ATP6V1C1: variants seen among roughly 807,000 people sequenced by gnomAD.
ATP6V1C1 encodes the protein V-type proton ATPase subunit C 1.
In ATP6V1C1, 45 loss-of-function variants were observed where a neutral mutation model predicts 53.9. That is an observed-to-expected ratio of 0.83 (90% CI 0.66 to 1.07). ATP6V1C1 has a LOEUF of 1.07. Among genes scored for constraint, ATP6V1C1 ranks in the 50% least tolerant of loss-of-function variants. The pLI is 0.00. For missense variants in ATP6V1C1, 315 were observed against 440.3 expected (o/e 0.72, Z 2.55); for synonymous variants, 153 against 155.2 (o/e 0.99, Z 0.11).
chr8:103,068,845 C>T lies in ATP6V1C1; in HGVS notation c.*98C>T. 1 of 1,004,554 alleles carries T rather than the reference C, an allele frequency of 1.0e-6. No individual in the cohort carries two copies. Among genetic ancestry groups the T allele is most frequent in the Non-Finnish European group, 1.4e-6 (1 of 701,972 alleles). The allele number at this position is 1,004,554 out of a possible 1,614,324, so 62.2% of individuals were successfully genotyped here. A position where few individuals can be genotyped will look rare whatever the true frequency, so the allele number is the denominator to read the frequency against. ...GTACTTTTAACTCTAGTATCCTTTG[C>T]TTGCTTCTTACGCCCTTTCCTAGGT... is the stretch of plus-strand genomic sequence containing the variant. On this transcript the variant is annotated 3_prime_UTR_variant, in exon 13 of 13. Coordinates refer to ENST00000518738, the MANE Select transcript of ATP6V1C1 (RefSeq NM_001695.5).
intron 3 of ATP6V1C1, 82 bp downstream of exon 3, chr8:103,042,489 T>C: frequency 2.2e-6 from 3 of 1,349,056 alleles, no homozygotes; most frequent in Non-Finnish European, 2.1e-6. Flanking sequence ...TATTATCACA[T>C]GTATACTCTG....
chr8:103,068,634 T>G lies in ATP6V1C1; in HGVS notation c.1054-18T>G. 9 of 1,543,880 alleles carry G rather than the reference T, an allele frequency of 5.8e-6. No homozygotes were observed. The highest frequency in any genetic ancestry group is 7.9e-6 in the Non-Finnish European group (9 of 1,135,376). ...TTCTGTAAATACAAAATTGAATAAT[T>G]GTCTGTTTTTTCCATAGGCTCCTAT... On this transcript the variant is annotated intron_variant, in intron 12 of 12. Coordinates refer to ENST00000518738, the MANE Select transcript of ATP6V1C1 (RefSeq NM_001695.5).
chr8:103,050,986 C>A, intron 4 of ATP6V1C1, 64 bp from the exon 5 acceptor site: 1 of 1,088,842 alleles, frequency 9.2e-7, no homozygotes, highest in Non-Finnish European at 1.4e-6. Flanking sequence ...AAATATATCG[C>A]TGTGTAAAAA....
At chr8:103,048,828 T>C (rs1392462214) in intron 3 of ATP6V1C1, 42 bp from the exon 4 acceptor site, 1 of 1,534,624 alleles carries the variant, frequency 6.5e-7, no homozygotes, top group East Asian at 2.3e-5. Flanking sequence ...GGAATTTAGA[T>C]CTTTTTCCTG....
chr8:103,048,741 G>T, intron 3 of ATP6V1C1, 129 bp from the exon 4 acceptor site: 1 of 661,726 alleles, frequency 1.5e-6, no homozygotes, highest in Non-Finnish European at 2.5e-6. Context: ...TCCATTTATT[G>T]TGTATTATAT....
At chr8:103,061,264 G>T (rs1169716975) in intron 8 of ATP6V1C1, among the ~76,000 whole-genome samples, 1 of 151,848 alleles carries the variant, frequency 6.6e-6, no homozygotes. Flanking sequence ...ACAGTGATCA[G>T]TACTCCTGGA....
chr8:103,057,161 T>A (rs930101470), intron 8 of ATP6V1C1, among the ~76,000 whole-genome samples: 2 of 152,152 alleles, frequency 1.3e-5, no homozygotes, highest in African/African-American at 4.8e-5. Context: ...GAGCAGTGGC[T>A]CAAGGGCCTG....
At chr8:103,035,456 T>C (rs2131385612) in intron 1 of ATP6V1C1, among the ~76,000 whole-genome samples, 1 of 152,286 alleles carries the variant, frequency 6.6e-6, no homozygotes, top group African/African-American at 2.4e-5. Context: ...TCAGGATTTC[T>C]CAGTAAGGTG....
At chr8:103,063,286 C>A in intron 10 of ATP6V1C1, 58 bp downstream of exon 10, 1 of 1,123,878 alleles carries the variant, frequency 8.9e-7, no homozygotes. Flanking sequence ...AGTGGTATTG[C>A]TTTCCTTTGA....
chr8:103,034,683 C>G (rs1816860487), intron 1 of ATP6V1C1, among the ~76,000 whole-genome samples: 1 of 151,866 alleles, frequency 6.6e-6, no homozygotes. Context: ...ATTCTCTTGC[C>G]TCAGCCTCCC....
intron 1 of ATP6V1C1, among the ~76,000 whole-genome samples, chr8:103,023,559 T>C (rs553801137): frequency 6.6e-6 from 1 of 152,306 alleles, no homozygotes; most frequent in African/African-American, 2.4e-5. Flanking sequence ...AGAGGCTCTT[T>C]TGCAAAAATT....
intron 8 of ATP6V1C1, among the ~76,000 whole-genome samples, chr8:103,059,812 A>G (rs962828519): frequency 6.6e-6 from 1 of 151,152 alleles, no homozygotes; most frequent in Non-Finnish European, 1.5e-5. Flanking sequence ...GTGACATACA[A>G]ATGTGTTGCT....
At chr8:103,046,431 C>T (rs1310403759) in intron 3 of ATP6V1C1, among the ~76,000 whole-genome samples, 1 of 152,042 alleles carries the variant, frequency 6.6e-6, no homozygotes, top group Non-Finnish European at 1.5e-5. Flanking sequence ...AGGCTGGTCT[C>T]AAACTCTTGG....
At chr8:103,053,847 A>G (rs755108777) in intron 6 of ATP6V1C1, 37 bp from the exon 7 acceptor site, 31 of 1,473,702 alleles carry the variant, frequency 2.1e-5, no homozygotes, top group Non-Finnish European at 2.7e-5. Flanking sequence ...ACAGAAGCAC[A>G]TAATTATCAG....
chr8:103,026,288 A>G (rs762045087), intron 1 of ATP6V1C1, among the ~76,000 whole-genome samples: 17 of 152,190 alleles, frequency 1.1e-4, no homozygotes, highest in Non-Finnish European at 2.2e-4. Flanking sequence ...AGTTTTTGTG[A>G]TAGGTATCTG....
intron 4 of ATP6V1C1, 109 bp from the exon 5 acceptor site, chr8:103,050,941 C>A (rs1372125457): frequency 1.3e-5 from 9 of 719,878 alleles, no homozygotes; most frequent in African/African-American, 1.8e-5. Context: ...GAAATGACAT[C>A]TTTGCTGATT....
chr8:103,028,613 G>C (rs1816738720), intron 1 of ATP6V1C1, among the ~76,000 whole-genome samples: 1 of 152,174 alleles, frequency 6.6e-6, no homozygotes, highest in Non-Finnish European at 1.5e-5. Context: ...GTGAGTATAG[G>C]AGCAGAAGAG....
chr8:103,055,761 T>TA, intron 7 of ATP6V1C1, 107 bp from the exon 8 acceptor site: 2 of 1,016,792 alleles, frequency 2.0e-6, no homozygotes, highest in Non-Finnish European at 2.9e-6. Context: ...GAAGTATACT[T>TA]ACTATAGCCA....
intron 1 of ATP6V1C1, among the ~76,000 whole-genome samples, chr8:103,037,125 T>C (rs1816912974): frequency 1.3e-5 from 2 of 152,154 alleles, no homozygotes; most frequent in African/African-American, 4.8e-5. Flanking sequence ...TAGGTGGTGA[T>C]GTGATCCAGG....
Sources: allele counts gnomAD v4.1 joint callset (sites outside exome capture counted in the v4.1 genomes callset), GRCh38; gene constraint gnomAD v4.1.1; transcripts MANE v1.5; gene names NCBI Gene and HGNC (gene_info 2026-07-23, HGNC 2026-07-21).